The following SPAG16 variants were observed in gnomAD, a reference collection of about 807,000 sequenced individuals.
SPAG16 encodes the protein sperm associated antigen 16, also known as sperm-associated antigen 16 protein.
Under a neutral mutation model 80.4 loss-of-function variants are expected in SPAG16, and 86 were observed. The ratio of observed to expected loss-of-function variants is 1.07; its 90% CI spans 0.90 to 1.28. SPAG16 has a LOEUF of 1.28. Among genes scored for constraint, SPAG16 ranks in the 50% most tolerant of loss-of-function variants. The pLI is 0.00. For synonymous variants in SPAG16, 294 were observed against 265.9 expected (o/e 1.11, Z -1.03); for missense variants, 870 against 765.3 (o/e 1.14, Z -1.61).
At position 214,307,614 on chromosome 2, in the gene SPAG16, A is replaced by G. The variant is rs572382538; in HGVS notation, c.1721-102526A>G. ...TGTATCTTTGTTCTCATTAGTCTCA[A>G]AGAACTTCTTGACTTCTATCTTAAT... is the stretch of plus-strand genomic sequence containing the variant. On this transcript the variant is annotated intron_variant, in intron 15 of 15. Transcript: ENST00000331683. Among the ~76,000 whole-genome samples, 43 of 152,294 alleles carry G rather than the reference A, an allele frequency of 2.8e-4. No individual in the cohort carries two copies. The South Asian group carries it at 8.5e-3, about 30-fold the overall frequency.
In SPAG16 at chr2:213,291,353, G is replaced by A. The variant is rs1416384653; in HGVS notation, c.137-4711G>A. Among the ~76,000 whole-genome samples, 4 of 152,176 alleles carry A rather than the reference G, an allele frequency of 2.6e-5. No homozygotes were observed. The East Asian group carries it at 7.7e-4, about 29-fold the overall frequency. On this transcript the variant is annotated intron_variant, in intron 1 of 15. Transcript: ENST00000331683. ...GATGCGTACAAACATAAGTGTCAAA[G>A]TACATTTATGTCTTTAATAACATTG...
rs1466168990 is a variant in SPAG16, at chr2:213,735,732, C to CT, written c.1071-126752dup. Among the ~76,000 whole-genome samples the CT allele has an allele frequency of 4.6e-5, 7 of 152,296 alleles. No homozygotes were observed. The East Asian group carries it at 1.3e-3, about 29-fold the overall frequency. ...AATGGGTGGGAAATATGTTCCATCTCTGTGTTTAGGAAAGATAGGAGATGA... is the reference window on the plus strand; with the variant it reads ...AATGGGTGGGAAATATGTTCCATCTCTTGTGTTTAGGAAAGATAGGAGATGA... On this transcript the variant is annotated intron_variant, in intron 10 of 15. Transcript: ENST00000331683.
At chr2:214,314,842 C>T (rs1695569928) in intron 15 of SPAG16, among the ~76,000 whole-genome samples, 2 of 151,694 alleles carry the variant, frequency 1.3e-5, no homozygotes, top group Non-Finnish European at 2.9e-5. Flanking sequence ...AAAAACACTA[C>T]AAGAGTAACT....
intron 10 of SPAG16, among the ~76,000 whole-genome samples, chr2:213,676,064 A>G: frequency 6.6e-6 from 1 of 151,996 alleles, no homozygotes; most frequent in Non-Finnish European, 1.5e-5. Flanking sequence ...TATTTCACTG[A>G]GCAGTGGTTT....
chr2:213,934,155 G>C (rs1032129223), intron 12 of SPAG16, among the ~76,000 whole-genome samples: 1 of 152,206 alleles, frequency 6.6e-6, no homozygotes, highest in Non-Finnish European at 1.5e-5. Context: ...GTCCAATCAA[G>C]GAACTTTCTT....
chr2:213,869,109 C>T (rs190765820), intron 11 of SPAG16, among the ~76,000 whole-genome samples: 7 of 150,810 alleles, frequency 4.6e-5, no homozygotes, highest in African/African-American at 7.3e-5. Flanking sequence ...AAAAATTAGC[C>T]GGGTGTAGTG....
At chr2:213,873,554 T>C (rs962869591) in intron 11 of SPAG16, among the ~76,000 whole-genome samples, 22 of 151,918 alleles carry the variant, frequency 1.4e-4, no homozygotes, top group African/African-American at 5.1e-4. Flanking sequence ...CTCTTCTTTT[T>C]CTACTTGCTT....
chr2:214,045,107 AC>A (rs1202972657), intron 13 of SPAG16, among the ~76,000 whole-genome samples: 1 of 152,104 alleles, frequency 6.6e-6, no homozygotes, highest in Non-Finnish European at 1.5e-5. Context: ...CCCAGGCTGC[AC>A]AGCTTGTGCC....
rs1559269867 is a variant in SPAG16, at chr2:213,574,670, TATATATGATATATGATATATATATG to T, written c.1070+84605_1070+84629del. ...TATATCATATATATGATATATGATA[TATATATGATATATGATATATATATG>T]ATATATGATATATGATATATATATA... On this transcript the variant is annotated intron_variant, in intron 10 of 15. Transcript: ENST00000331683. Among the ~76,000 whole-genome samples, 4 of 148,304 alleles carry T rather than the reference TATATATGATATATGATATATATATG, an allele frequency of 2.7e-5. 1 individual carries two copies. The South Asian group carries it at 8.4e-4, about 31-fold the overall frequency.
At chr2:213,421,086 C>T (rs2069553892) in intron 9 of SPAG16, among the ~76,000 whole-genome samples, 1 of 151,528 alleles carries the variant, frequency 6.6e-6, no homozygotes, top group Non-Finnish European at 1.5e-5. Flanking sequence ...GAGCAGGAGC[C>T]CCATGCTCTG....
chr2:213,540,869 A>G (rs2076421081), intron 10 of SPAG16, among the ~76,000 whole-genome samples: 1 of 152,268 alleles, frequency 6.6e-6, no homozygotes, highest in Admixed American at 6.5e-5. Flanking sequence ...TGGTACCTGC[A>G]GTACACTCGG....
chr2:214,311,882 C>T (rs914032048), intron 15 of SPAG16, among the ~76,000 whole-genome samples: 2 of 152,096 alleles, frequency 1.3e-5, no homozygotes, highest in Admixed American at 1.3e-4. Flanking sequence ...AAATGTATGC[C>T]CCACTCTACA....
intron 12 of SPAG16, among the ~76,000 whole-genome samples, chr2:213,950,378 A>G (rs1275120315): frequency 6.6e-6 from 1 of 152,192 alleles, no homozygotes; most frequent in Non-Finnish European, 1.5e-5. Flanking sequence ...TTGCTGTAAC[A>G]TGTATGAGCT....
chr2:213,684,417 CAGGAAAATAG>C (rs552539869), intron 10 of SPAG16, among the ~76,000 whole-genome samples: 69 of 152,260 alleles, frequency 4.5e-4, no homozygotes, highest in Non-Finnish European at 5.1e-4. Context: ...TTGCTGCAAC[CAGGAAAATAG>C]AGGAAAATAT....
chr2:214,173,903 A>T (rs1478143452), intron 15 of SPAG16, among the ~76,000 whole-genome samples: 5 of 152,028 alleles, frequency 3.3e-5, no homozygotes, highest in Non-Finnish European at 7.4e-5. Context: ...CATCCCTGGG[A>T]TGCAAGGCTG....
intron 15 of SPAG16, among the ~76,000 whole-genome samples, chr2:214,203,762 GA>G (rs1269188951): frequency 6.6e-6 from 1 of 152,206 alleles, no homozygotes. Flanking sequence ...ACCACAGGAA[GA>G]AGGAAATTTC....
intron 10 of SPAG16, among the ~76,000 whole-genome samples, chr2:213,656,755 T>C (rs371413580): frequency 5.2e-4 from 79 of 152,358 alleles, no homozygotes; most frequent in African/African-American, 1.8e-3. Flanking sequence ...AAAAGTATTC[T>C]ATAATTTGAA....
intron 10 of SPAG16, among the ~76,000 whole-genome samples, chr2:213,497,365 C>T (rs145241389): frequency 6.6e-6 from 1 of 151,046 alleles, no homozygotes; most frequent in African/African-American, 2.4e-5. Context: ...ATGTGTTTGT[C>T]TTCAACTTTA....
intron 10 of SPAG16, among the ~76,000 whole-genome samples, chr2:213,671,655 A>G (rs2063816908): frequency 6.6e-6 from 1 of 152,140 alleles, no homozygotes; most frequent in South Asian, 2.1e-4. Context: ...TATGTTCCCA[A>G]AAGTTATTTC....
Sources: gnomAD v4.1 joint callset for allele counts (sites outside exome capture counted in the v4.1 genomes callset) on GRCh38, gnomAD v4.1.1 for gene constraint, MANE v1.5 for transcripts, NCBI Gene and HGNC (gene_info 2026-07-23, HGNC 2026-07-21) for gene names.